STARD13: variants seen among roughly 807,000 people sequenced by gnomAD.
STARD13 encodes StAR related lipid transfer domain containing 13, also known as stAR-related lipid transfer protein 13.
A neutral mutation model predicts 106.4 loss-of-function variants in STARD13; 62 were observed. The ratio of observed to expected loss-of-function variants is 0.58; its 90% CI spans 0.48 to 0.72. The LOEUF (loss-of-function observed/expected upper bound fraction) is 0.72, where lower values mean the gene tolerates loss of function less well. STARD13 is among the 30% of genes least tolerant of loss of function. STARD13 has a pLI of 0.00. For missense variants in STARD13, 1,387 were observed against 1,424.0 expected, an observed-to-expected ratio of 0.97 and a Z score of 0.42; for synonymous variants, 565 against 553.0, an observed-to-expected ratio of 1.02 and a Z score of -0.31.
At position 33,181,650 on chromosome 13, in the gene STARD13, A is replaced by G. The variant is rs559125348; in HGVS notation, c.170-14028T>C. Among the ~76,000 whole-genome samples, 6 of 152,348 alleles carry G rather than the reference A, an allele frequency of 3.9e-5. No homozygotes were observed. The South Asian group carries it at 1.0e-3, about 26-fold the overall frequency. On this transcript the variant is annotated intron_variant, in intron 1 of 13. Transcript: ENST00000336934. Reference sequence around the variant, plus strand: ...GTCCTTTGCAAACTGTAAGCTCCATATGAAAATAAGGTAACATTATTCTTC... The same window carrying G: ...GTCCTTTGCAAACTGTAAGCTCCATGTGAAAATAAGGTAACATTATTCTTC...
chr13:33,417,234 T>C, the STARD13 span, among the ~76,000 whole-genome samples: 1 of 152,140 alleles, frequency 6.6e-6, no homozygotes, highest in Non-Finnish European at 1.5e-5. Flanking sequence ...AAAGTGTTGG[T>C]GAGGATGTCA....
At chr13:33,245,429 T>C (rs1384133055) in intron 1 of STARD13, among the ~76,000 whole-genome samples, 3 of 152,212 alleles carry the variant, frequency 2.0e-5, no homozygotes, top group African/African-American at 7.2e-5. Flanking sequence ...GAGAACAACT[T>C]CTAGCTGTAA....
chr13:33,296,050 G>A (rs970301407), intron 1 of STARD13, among the ~76,000 whole-genome samples: 2 of 150,820 alleles, frequency 1.3e-5, no homozygotes, highest in African/African-American at 2.4e-5. Flanking sequence ...GCGAAACCTC[G>A]TCTCTACTTA....
intron 3 of STARD13, among the ~76,000 whole-genome samples, chr13:33,157,462 G>A (rs1401386244): frequency 6.6e-6 from 1 of 152,164 alleles, no homozygotes; most frequent in Non-Finnish European, 1.5e-5. Context: ...GAGGTCACGA[G>A]TTTGAAACCA....
the STARD13 span, among the ~76,000 whole-genome samples, chr13:33,379,290 C>T: frequency 0.01 from 1,573 of 152,232 alleles, 40 homozygotes; most frequent in African/African-American, 0.036. Flanking sequence ...AAATAGTCCA[C>T]ATTAAAAATA....
At chr13:33,491,940 C>T in the STARD13 span, among the ~76,000 whole-genome samples, 69 of 152,104 alleles carry the variant, frequency 4.5e-4, 2 homozygotes, top group South Asian at 0.013. Context: ...TGGGTGCAGG[C>T]GGGCTGAGTC....
chr13:33,558,971 C>T, the STARD13 span, among the ~76,000 whole-genome samples: 1 of 151,482 alleles, frequency 6.6e-6, no homozygotes, highest in Admixed American at 6.6e-5. Context: ...GAAGACAATA[C>T]AGTGTTAAAA....
the STARD13 span, among the ~76,000 whole-genome samples, chr13:33,554,863 G>C: frequency 1.3e-4 from 20 of 152,132 alleles, no homozygotes; most frequent in Admixed American, 1.2e-3. Context: ...TCAAAATTAT[G>C]TGTAATTTAT....
At chr13:33,605,299 TCTCAAACTCCCGGGCTCAAGTGATC>T in the STARD13 span, among the ~76,000 whole-genome samples, 1 of 150,994 alleles carries the variant, frequency 6.6e-6, no homozygotes, top group Non-Finnish European at 1.5e-5. Context: ...CTCAGGCTGC[TCTCAAACTCCCGGGCTCAAGTGATC>T]CTCCTGCCTC....
the STARD13 span, among the ~76,000 whole-genome samples, chr13:33,453,145 C>A: frequency 6.6e-6 from 1 of 152,218 alleles, no homozygotes; most frequent in African/African-American, 2.4e-5. Flanking sequence ...ATAGTGCCAG[C>A]TTTCAAGATT....
At chr13:33,105,767 T>C in intron 13 of STARD13, 57 bp from the exon 14 acceptor site, 1 of 1,446,062 alleles carries the variant, frequency 6.9e-7, no homozygotes, top group South Asian at 1.1e-5. Context: ...ATCACAGCAA[T>C]TAGTTTTGGT....
At chr13:33,625,152 A>G in the STARD13 span, among the ~76,000 whole-genome samples, 18,336 of 152,100 alleles carry the variant, frequency 0.12, 2,776 homozygotes, top group African/African-American at 0.36. Context: ...GAGGAGGGGT[A>G]GGGTCACAGA....
the STARD13 span, among the ~76,000 whole-genome samples, chr13:33,467,882 C>T: frequency 6.6e-6 from 1 of 152,146 alleles, no homozygotes; most frequent in Admixed American, 6.6e-5. Context: ...GAAGAAAGAA[C>T]AGAAGATTGC....
chr13:33,650,452 A>G, the STARD13 span, among the ~76,000 whole-genome samples: 29 of 151,606 alleles, frequency 1.9e-4, no homozygotes, highest in Admixed American at 7.2e-4. Flanking sequence ...GGCCTCCCAA[A>G]GTGCTGGGAT....
the STARD13 span, among the ~76,000 whole-genome samples, chr13:33,415,423 G>A: frequency 3.3e-5 from 5 of 152,190 alleles, no homozygotes; most frequent in Admixed American, 3.3e-4. Flanking sequence ...CTGGGCAGTG[G>A]CAGTAGGAGT....
the STARD13 span, among the ~76,000 whole-genome samples, chr13:33,399,071 G>T: frequency 6.6e-6 from 1 of 151,942 alleles, no homozygotes; most frequent in Non-Finnish European, 1.5e-5. Context: ...ATAAAAAGGA[G>T]CAAGCTACCA....
the STARD13 span, among the ~76,000 whole-genome samples, chr13:33,499,152 CAAACAA>C: frequency 1.1e-4 from 16 of 151,970 alleles, no homozygotes; most frequent in African/African-American, 2.2e-4. Flanking sequence ...AACAAACAAA[CAAACAA>C]AAACAAAAAC....
At chr13:33,148,697 A>C (rs574769813) in intron 3 of STARD13, among the ~76,000 whole-genome samples, 1 of 152,336 alleles carries the variant, frequency 6.6e-6, no homozygotes, top group South Asian at 2.1e-4. Flanking sequence ...TTTATCATAT[A>C]CTCGAGAAAT....
the STARD13 span, among the ~76,000 whole-genome samples, chr13:33,610,281 C>T: frequency 6.6e-6 from 1 of 152,176 alleles, no homozygotes; most frequent in African/African-American, 2.4e-5. Flanking sequence ...AAGGTGGGGC[C>T]TTACTGTATC....
Sources: allele counts gnomAD v4.1 joint callset (sites outside exome capture counted in the v4.1 genomes callset), GRCh38; gene constraint gnomAD v4.1.1; transcripts MANE v1.5; gene names NCBI Gene and HGNC (gene_info 2026-07-23, HGNC 2026-07-21).